IPO11: variants seen among roughly 807,000 people sequenced by gnomAD.
IPO11 encodes the protein importin 11.
Under a neutral mutation model 143.2 loss-of-function variants are expected in IPO11, and 66 were observed. The observed-to-expected ratio is 0.46, with a 90% confidence interval of 0.38 to 0.57. The LOEUF (loss-of-function observed/expected upper bound fraction) is 0.57, where lower values mean the gene tolerates loss of function less well. Ranked by LOEUF, IPO11 falls within the 20% of genes least tolerant of loss-of-function variation. IPO11 has a pLI of 0.00. For missense variants in IPO11, 1,026 were observed against 1,141.0 expected, an observed-to-expected ratio of 0.90 and a Z score of 1.45; for synonymous variants, 385 against 377.8, an observed-to-expected ratio of 1.02 and a Z score of -0.22.
intron 29 of IPO11, among the ~76,000 whole-genome samples, chr5:62,602,380 G>C (rs929442953): frequency 6.6e-6 from 1 of 151,780 alleles, no homozygotes; most frequent in Non-Finnish European, 1.5e-5. Context: ...ATATATAATC[G>C]TGAATGTTTA....
intron 9 of IPO11, among the ~76,000 whole-genome samples, chr5:62,478,048 T>G (rs1234724348): frequency 1.3e-5 from 2 of 152,206 alleles, no homozygotes; most frequent in African/African-American, 4.8e-5. Flanking sequence ...TTACTTTGTC[T>G]GTGTGCTGCT....
chr5:62,627,009 T>G, intron 29 of IPO11, 145 bp from the exon 30 acceptor site: 10 of 545,726 alleles, frequency 1.8e-5, no homozygotes, highest in Non-Finnish European at 3.0e-5. Flanking sequence ...TTTTCCACCA[T>G]GAGATTAGTA....
rs26620 is a variant in IPO11, at chr5:62,476,764, T to C, written c.828+11T>C. On this transcript the variant is annotated intron_variant, in intron 9 of 29. Coordinates refer to ENST00000325324, the MANE Select transcript of IPO11 (RefSeq NM_016338.5). ...CTTTTTACTAAAGTGGTAAGTTTTT[T>C]AAAAACTTGTTTTCTCAAATATAAT... 0.076 allele frequency: 114,285 copies of C among 1,506,484 alleles called. 5,157 individuals carry two copies. The highest frequency in any genetic ancestry group is 0.12 in the East Asian group (5,052 of 41,690). The allele number at this position is 1,506,484 out of a possible 1,614,324, so 93.3% of individuals were successfully genotyped here.
chr5:62,454,242 C>G (rs1561317542), intron 5 of IPO11, among the ~76,000 whole-genome samples: 2 of 152,160 alleles, frequency 1.3e-5, no homozygotes, highest in African/African-American at 4.8e-5. Flanking sequence ...ATCCTTTTCA[C>G]TTTTGCTTGA....
At chr5:62,519,290 G>A (rs1042926027) in intron 20 of IPO11, among the ~76,000 whole-genome samples, 1 of 152,046 alleles carries the variant, frequency 6.6e-6, no homozygotes, top group African/African-American at 2.4e-5. Flanking sequence ...AGATAAAGGA[G>A]TTAGTTCTTA....
At chr5:62,461,504 T>G (rs886176523) in intron 5 of IPO11, among the ~76,000 whole-genome samples, 3 of 152,198 alleles carry the variant, frequency 2.0e-5, no homozygotes, top group African/African-American at 7.2e-5. Context: ...CACTAAAGTT[T>G]GGTTAAGGAG....
chr5:62,440,455 A>G (rs1418933588), intron 2 of IPO11, among the ~76,000 whole-genome samples: 2 of 150,406 alleles, frequency 1.3e-5, no homozygotes, highest in Admixed American at 6.7e-5. Context: ...CCTGGGTTCA[A>G]GCGATTCTCC....
At chr5:62,508,786 A>T (rs762040899) in intron 19 of IPO11, among the ~76,000 whole-genome samples, 13 of 151,754 alleles carry the variant, frequency 8.6e-5, no homozygotes, top group Non-Finnish European at 1.6e-4. Flanking sequence ...CCCCGGTGTG[A>T]GATGTTCCCC....
chr5:62,548,712 T>C (rs1051444097), intron 24 of IPO11, among the ~76,000 whole-genome samples: 10 of 152,268 alleles, frequency 6.6e-5, no homozygotes, highest in African/African-American at 2.4e-4. Context: ...TCTGTGTTTT[T>C]TGGAGTGGAG....
chr5:62,542,891 G>A (rs1241116074), intron 24 of IPO11, among the ~76,000 whole-genome samples: 2 of 152,016 alleles, frequency 1.3e-5, no homozygotes, highest in South Asian at 2.1e-4. Flanking sequence ...ACTGTGATTA[G>A]ACTTAAGATG....
chr5:62,580,991 C>G (rs1744535595), intron 27 of IPO11: 2 of 1,551,132 alleles, frequency 1.3e-6, no homozygotes, highest in Admixed American at 2.0e-5. Flanking sequence ...CTAATTTGTA[C>G]ACAAGAAGTT....
intron 1 of IPO11, among the ~76,000 whole-genome samples, chr5:62,435,212 GTATA>G (rs70981007): frequency 2.5e-5 from 2 of 79,680 alleles, no homozygotes; most frequent in African/African-American, 5.5e-5. Context: ...ATATATATGT[GTATA>G]TATATATATA....
At chr5:62,544,548 G>C (rs1245741626) in intron 24 of IPO11, among the ~76,000 whole-genome samples, 1 of 152,144 alleles carries the variant, frequency 6.6e-6, no homozygotes, top group East Asian at 1.9e-4. Flanking sequence ...CACAAGGCAG[G>C]GATACCCTGT....
chr5:62,586,038 T>C (rs2112416572), intron 27 of IPO11, among the ~76,000 whole-genome samples: 1 of 152,248 alleles, frequency 6.6e-6, no homozygotes, highest in South Asian at 2.1e-4. Context: ...AGTTTGGTGT[T>C]GGATCTCTTA....
chr5:62,482,585 A>G lies in IPO11; in HGVS notation c.829-516A>G, dbSNP rs1209751152. On this transcript the variant is annotated intron_variant, in intron 9 of 29. Transcript: ENST00000325324. Reference sequence around the variant, plus strand: ...TCTCTTATTTTAACAGCTGTTGATCATCATTTGCCTAGATCCATTATTTGA... The same window carrying G: ...TCTCTTATTTTAACAGCTGTTGATCGTCATTTGCCTAGATCCATTATTTGA... Among the ~76,000 whole-genome samples, 6 of 152,178 alleles carry G rather than the reference A, an allele frequency of 3.9e-5. No individual in the cohort carries two copies. The East Asian group carries it at 1.2e-3, about 29-fold the overall frequency.
intron 29 of IPO11, among the ~76,000 whole-genome samples, chr5:62,603,564 C>A (rs2112452063): frequency 6.6e-6 from 1 of 152,300 alleles, no homozygotes; most frequent in East Asian, 1.9e-4. Flanking sequence ...GGGAACCAGT[C>A]CTGGACAGGA....
In IPO11 at chr5:62,502,897, A is replaced by T. The variant is rs934572575; in HGVS notation, c.1591-1770A>T. Among the ~76,000 whole-genome samples, 3 of 151,720 alleles carry T rather than the reference A, an allele frequency of 2.0e-5. No individual in the cohort carries two copies. In the East Asian group the frequency reaches 5.8e-4, roughly 29 times the overall value. On this transcript the variant is annotated intron_variant, in intron 16 of 29. Transcript: ENST00000325324. ...TGGAGTGCAGTGGCACAATCAGCTT[A>T]CTGCAACCCTCGCCTCCCAGGTTCA...
chr5:62,572,791 C>G (rs1744182586), intron 27 of IPO11, among the ~76,000 whole-genome samples: 1 of 152,004 alleles, frequency 6.6e-6, no homozygotes. Flanking sequence ...CCATGTTGCT[C>G]AGGCTGGTCT....
chr5:62,505,510 G>C (rs1302044806), intron 18 of IPO11, among the ~76,000 whole-genome samples: 2 of 152,060 alleles, frequency 1.3e-5, no homozygotes, highest in Non-Finnish European at 1.5e-5. Context: ...AGGGAAGCTT[G>C]TAAAGCAGTG....
Sources: gnomAD v4.1 joint callset for allele counts (sites outside exome capture counted in the v4.1 genomes callset) on GRCh38, gnomAD v4.1.1 for gene constraint, MANE v1.5 for transcripts, NCBI Gene and HGNC (gene_info 2026-07-23, HGNC 2026-07-21) for gene names.